The following STARD13 variants were observed in gnomAD, a reference collection of about 807,000 sequenced individuals.
The protein encoded by STARD13 is StAR related lipid transfer domain containing 13.
Under a neutral mutation model 106.4 loss-of-function variants are expected in STARD13, and 62 were observed. The ratio of observed to expected loss-of-function variants is 0.58; its 90% CI spans 0.48 to 0.72. The LOEUF (loss-of-function observed/expected upper bound fraction) is 0.72, where lower values mean the gene tolerates loss of function less well. Among genes scored for constraint, STARD13 ranks in the 30% least tolerant of loss-of-function variants. STARD13 has a pLI of 0.00. For synonymous variants in STARD13, 565 were observed against 553.0 expected (o/e 1.02, Z -0.31); for missense variants, 1,387 against 1,424.0 (o/e 0.97, Z 0.42).
At position 33,104,568 on chromosome 13, in the gene STARD13, G is replaced by A. The variant is rs901884361; in HGVS notation, c.*1025C>T. 4 of 152,716 alleles carry A rather than the reference G, an allele frequency of 2.6e-5. No homozygotes were observed. Among genetic ancestry groups the A allele is most frequent in the African/African-American group, 9.6e-5 (4 of 41,556 alleles). The allele number at this position is 152,716 out of a possible 1,614,324, so 9.5% of individuals were successfully genotyped here. On this transcript the variant is annotated 3_prime_UTR_variant, in exon 14 of 14. Coordinates refer to ENST00000336934, the MANE Select transcript of STARD13 (RefSeq NM_178006.4). ...CATCTCCCTTTGTATGGTGTCTGGA[G>A]TTGAATTCAGTGCAATAAGAAAACA... is the stretch of plus-strand genomic sequence containing the variant.
Position 33,136,657 on chromosome 13 carries a change from A to G in STARD13, c.387+5653T>C, listed in dbSNP as rs545334449. On this transcript the variant is annotated intron_variant, in intron 4 of 13. Coordinates refer to ENST00000336934, the MANE Select transcript of STARD13 (RefSeq NM_178006.4). Reference sequence around the variant, plus strand: ...GCAGGCACTCCCCCATTCTGAGCCTATAAAAGCCCAGACCCAGCCACACTA... The same window carrying G: ...GCAGGCACTCCCCCATTCTGAGCCTGTAAAAGCCCAGACCCAGCCACACTA... 1.8e-3 allele frequency among the ~76,000 whole-genome samples: 273 copies of G among 152,314 alleles called. 1 individual carries two copies. In the Middle Eastern group the frequency reaches 0.024, roughly 13 times the overall value.
the STARD13 span, among the ~76,000 whole-genome samples, chr13:33,414,535 C>T: frequency 6.6e-6 from 1 of 151,642 alleles, no homozygotes; most frequent in Non-Finnish European, 1.5e-5. Flanking sequence ...AGGGAAAAAG[C>T]CAATCTTAAA....
At chr13:33,480,020 T>C in the STARD13 span, among the ~76,000 whole-genome samples, 32,225 of 152,104 alleles carry the variant, frequency 0.21, 6,167 homozygotes, top group African/African-American at 0.51. Flanking sequence ...TTTATAGCAA[T>C]GTGAGAATGA....
chr13:33,280,431 T>C (rs1891716735), intron 1 of STARD13: 1 of 152,186 alleles, frequency 6.6e-6, no homozygotes, highest in Admixed American at 6.5e-5. Flanking sequence ...AGTGAAACTT[T>C]CTACATTCCA....
chr13:33,550,115 T>C, the STARD13 span, among the ~76,000 whole-genome samples: 2 of 152,212 alleles, frequency 1.3e-5, no homozygotes, highest in African/African-American at 4.8e-5. Flanking sequence ...TGAGAATTTC[T>C]GCTGGATGAT....
At chr13:33,241,883 C>A (rs535915330) in intron 1 of STARD13, among the ~76,000 whole-genome samples, 4 of 152,300 alleles carry the variant, frequency 2.6e-5, no homozygotes, top group South Asian at 2.1e-4. Context: ...CTGATCTAGG[C>A]TCACTACAAC....
chr13:33,563,536 T>G, the STARD13 span, among the ~76,000 whole-genome samples: 27 of 147,288 alleles, frequency 1.8e-4, 1 homozygote, highest in Non-Finnish European at 6.0e-5. Context: ...CACAAAATAA[T>G]GAAACTAGAC....
chr13:33,307,457 C>A (rs193124795), intron 1 of STARD13, among the ~76,000 whole-genome samples: 1 of 152,300 alleles, frequency 6.6e-6, no homozygotes, highest in African/African-American at 2.4e-5. Context: ...GGTACATATA[C>A]ACCATGGAAT....
intron 1 of STARD13, among the ~76,000 whole-genome samples, chr13:33,292,584 G>C (rs1020544767): frequency 6.8e-5 from 10 of 146,750 alleles, no homozygotes; most frequent in Non-Finnish European, 1.0e-4. Context: ...CTGGGCAACA[G>C]AGCAAGACCC....
rs759444203 is a variant in STARD13 at position 33,105,711 on chromosome 13, C to G, written c.3225-1G>C. The G allele has an allele frequency of 3.7e-6, 6 of 1,610,492 alleles. No individual in the cohort carries two copies. In the African/African-American group the frequency reaches 8.0e-5, roughly 22 times the overall value. ...GCTGTACCATTCTGGGGAGTGACCT[C>G]TGTGGGGAAAGAAATCAGAAAGGAA... On this transcript the variant is annotated splice_acceptor_variant, in intron 13 of 13. Transcript: ENST00000336934. LOFTEE classifies it high-confidence loss of function.
the STARD13 span, among the ~76,000 whole-genome samples, chr13:33,512,504 G>T: frequency 2.0e-5 from 3 of 151,822 alleles, no homozygotes; most frequent in Non-Finnish European, 2.9e-5. Context: ...TTTTGCTCTT[G>T]TCGCTTAGGC....
chr13:33,604,579 C>T, the STARD13 span, among the ~76,000 whole-genome samples: 1 of 151,938 alleles, frequency 6.6e-6, no homozygotes, highest in East Asian at 1.9e-4. Context: ...GGCAGATCAC[C>T]TGAGGTCAGG....
At chr13:33,112,116 C>T (rs1164703198) in intron 9 of STARD13, among the ~76,000 whole-genome samples, 2 of 152,212 alleles carry the variant, frequency 1.3e-5, no homozygotes, top group Non-Finnish European at 2.9e-5. Context: ...GCAGGAAGAA[C>T]AGCAGGGGAC....
chr13:33,668,339 G>A, the STARD13 span, among the ~76,000 whole-genome samples: 692 of 152,286 alleles, frequency 4.5e-3, 7 homozygotes, highest in African/African-American at 0.016. Context: ...TATTAGACAT[G>A]CAAACTTGAA....
chr13:33,156,142 T>C (rs1881954088), intron 3 of STARD13, among the ~76,000 whole-genome samples: 1 of 152,216 alleles, frequency 6.6e-6, no homozygotes, highest in Admixed American at 6.5e-5. Context: ...CGGTTCTGGA[T>C]TAACAATACT....
At chr13:33,563,169 G>A in the STARD13 span, among the ~76,000 whole-genome samples, 1 of 146,528 alleles carries the variant, frequency 6.8e-6, no homozygotes. Context: ...GCAGCTCACA[G>A]ATCCAATTCA....
the STARD13 span, among the ~76,000 whole-genome samples, chr13:33,381,635 G>A: frequency 6.6e-6 from 1 of 152,064 alleles, no homozygotes; most frequent in Non-Finnish European, 1.5e-5. Context: ...AGCTACCCAG[G>A]AGCCTGAGGC....
At chr13:33,572,218 A>G in the STARD13 span, among the ~76,000 whole-genome samples, 643 of 152,290 alleles carry the variant, frequency 4.2e-3, 3 homozygotes, top group Non-Finnish European at 7.0e-3. Context: ...GCCTCCTTAC[A>G]TATTTTTGAG....
chr13:33,380,850 G>A, the STARD13 span, among the ~76,000 whole-genome samples: 1 of 152,164 alleles, frequency 6.6e-6, no homozygotes, highest in African/African-American at 2.4e-5. Context: ...CAAGGTGAGG[G>A]AGAAGGAGAA....
Sources: gnomAD v4.1 joint callset for allele counts (sites outside exome capture counted in the v4.1 genomes callset) on GRCh38, gnomAD v4.1.1 for gene constraint, MANE v1.5 for transcripts, NCBI Gene and HGNC (gene_info 2026-07-23, HGNC 2026-07-21) for gene names.